The following PDE9A variants were observed in gnomAD, a reference collection of about 807,000 sequenced individuals.
PDE9A encodes the protein phosphodiesterase 9A.
A neutral mutation model predicts 87.4 loss-of-function variants in PDE9A; 60 were observed. The ratio of observed to expected loss-of-function variants is 0.69; its 90% CI spans 0.56 to 0.85. The LOEUF (loss-of-function observed/expected upper bound fraction) is 0.85, where lower values mean the gene tolerates loss of function less well. Among genes scored for constraint, PDE9A ranks in the 40% least tolerant of loss-of-function variants. The pLI is 0.00. For missense variants in PDE9A, 665 were observed against 779.0 expected (o/e 0.85, Z 1.74); for synonymous variants, 272 against 279.4 (o/e 0.97, Z 0.27).
At chr21:42,706,325 TATAAC>T (rs1163291312) in intron 4 of PDE9A, among the ~76,000 whole-genome samples, 1 of 152,216 alleles carries the variant, frequency 6.6e-6, no homozygotes, top group Non-Finnish European at 1.5e-5. Context: ...ATGTCATTGA[TATAAC>T]ATAAAGCCCA....
intron 4 of PDE9A, among the ~76,000 whole-genome samples, chr21:42,703,127 G>T (rs2146362616): frequency 6.6e-6 from 1 of 152,372 alleles, no homozygotes; most frequent in East Asian, 1.9e-4. Context: ...GTGGAAGCGG[G>T]ATATAGAGAC....
At chr21:42,688,354 C>T (rs1230436799) in intron 3 of PDE9A, among the ~76,000 whole-genome samples, 2 of 152,148 alleles carry the variant, frequency 1.3e-5, no homozygotes, top group Non-Finnish European at 2.9e-5. Context: ...CCTACAGAGC[C>T]CCTGGGGACA....
At chr21:42,741,740 T>A (rs1466260088) in intron 7 of PDE9A, 2 of 152,182 alleles carry the variant, frequency 1.3e-5, no homozygotes, top group Non-Finnish European at 2.9e-5. Context: ...CCAGCTAGTC[T>A]GCCCTGGGCC....
In PDE9A at chr21:42,688,013, G is replaced by A. The variant is rs765806342; in HGVS notation, c.218+19G>A. 30 of 1,601,798 alleles carry A rather than the reference G, an allele frequency of 1.9e-5. No individual in the cohort carries two copies. The highest frequency in any genetic ancestry group is 2.5e-5 in the Non-Finnish European group (29 of 1,172,182). On this transcript the variant is annotated intron_variant, in intron 3 of 19. Coordinates refer to ENST00000291539, the MANE Select transcript of PDE9A (RefSeq NM_002606.3). The stretch of plus-strand genomic sequence containing the variant: ...CAGAACGGTAAGAGGCTCCGGCCGC[G>A]CTCCTCGGGGTGTGCCTGGCACTTC...
intron 1 of PDE9A, among the ~76,000 whole-genome samples, chr21:42,657,070 C>T (rs1242084006): frequency 1.3e-5 from 2 of 152,230 alleles, no homozygotes; most frequent in Non-Finnish European, 2.9e-5. Context: ...GGGCCAGCCC[C>T]GTGTGGGGCC....
intron 1 of PDE9A, among the ~76,000 whole-genome samples, chr21:42,685,777 T>G (rs2059428538): frequency 6.6e-6 from 1 of 152,026 alleles, no homozygotes; most frequent in African/African-American, 2.4e-5. Flanking sequence ...CTTTTTTTCT[T>G]TTTTCTTTTG....
intron 8 of PDE9A, among the ~76,000 whole-genome samples, chr21:42,745,055 C>T (rs2053696312): frequency 6.6e-6 from 1 of 152,222 alleles, no homozygotes; most frequent in Non-Finnish European, 1.5e-5. Flanking sequence ...TGTGCAATTG[C>T]ACTGAGTTGT....
chr21:42,717,293 CCTT>C, intron 4 of PDE9A, among the ~76,000 whole-genome samples: 1 of 119,472 alleles, frequency 8.4e-6, no homozygotes, highest in Non-Finnish European at 1.7e-5. Context: ...TTGGAACATG[CCTT>C]TTTTTTTTTT....
At chr21:42,682,263 A>C (rs182619720) in intron 1 of PDE9A, among the ~76,000 whole-genome samples, 1 of 152,276 alleles carries the variant, frequency 6.6e-6, no homozygotes, top group Non-Finnish European at 1.5e-5. Context: ...GAGTGAAGCA[A>C]TGTTGAAATG....
At chr21:42,686,150 C>A in intron 1 of PDE9A, 42 bp from the exon 2 acceptor site, 1 of 1,530,156 alleles carries the variant, frequency 6.5e-7, no homozygotes, top group East Asian at 2.3e-5. Context: ...CCAGGGAGAC[C>A]CGCCGCCCTC....
chr21:42,689,279 G>T (rs1197415593), intron 3 of PDE9A, among the ~76,000 whole-genome samples: 1 of 152,230 alleles, frequency 6.6e-6, no homozygotes, highest in Admixed American at 6.5e-5. Context: ...CTCTCATCTG[G>T]CTGTGCCCGT....
intron 1 of PDE9A, among the ~76,000 whole-genome samples, chr21:42,654,965 G>A (rs1196468149): frequency 6.6e-6 from 1 of 151,386 alleles, no homozygotes; most frequent in African/African-American, 2.5e-5. Context: ...CAGCTGGGCA[G>A]CGGCAGACGC....
chr21:42,689,449 G>T lies in PDE9A; in HGVS notation c.218+1455G>T, dbSNP rs572789850. On this transcript the variant is annotated intron_variant, in intron 3 of 19. Transcript: ENST00000291539. ...GCCTCAGCACCAGCTCCAGCCTGGG[G>T]GGTCTCGCTCAGAAGCAAAGTCACT... 5.4e-6 allele frequency: 4 copies of T among 738,460 alleles called. No homozygotes were observed. The East Asian group carries it at 5.3e-4, about 97-fold the overall frequency. The allele number at this position is 738,460 out of a possible 1,614,324, so 45.7% of individuals were successfully genotyped here.
At chr21:42,771,617 C>T (rs1162187023) in intron 18 of PDE9A, among the ~76,000 whole-genome samples, 1 of 152,242 alleles carries the variant, frequency 6.6e-6, no homozygotes, top group Non-Finnish European at 1.5e-5. Flanking sequence ...ACTGTGCCCA[C>T]CACCCCGTCT....
At chr21:42,689,767 G>T in intron 3 of PDE9A, 1 of 985,440 alleles carries the variant, frequency 1.0e-6, no homozygotes, top group South Asian at 4.7e-5. Flanking sequence ...GAAGCTCTCT[G>T]CTGAGATGCC....
intron 1 of PDE9A, among the ~76,000 whole-genome samples, chr21:42,654,216 C>T (rs1455473747): frequency 2.0e-5 from 3 of 152,168 alleles, no homozygotes; most frequent in African/African-American, 4.8e-5. Flanking sequence ...GCCGGGCAGC[C>T]CCGGGGTCGT....
chr21:42,755,194 C>T (rs2054902490), intron 10 of PDE9A, among the ~76,000 whole-genome samples: 1 of 152,236 alleles, frequency 6.6e-6, no homozygotes, highest in Admixed American at 6.5e-5. Flanking sequence ...AGCAAGCTCA[C>T]CTGTGCTCTT....
At chr21:42,728,415 A>G (rs1459219616) in intron 4 of PDE9A, among the ~76,000 whole-genome samples, 1 of 152,118 alleles carries the variant, frequency 6.6e-6, no homozygotes, top group African/African-American at 2.4e-5. Context: ...ACATGTGTTG[A>G]ATTTTGTCAG....
chr21:42,684,377 G>A (rs1416889728), intron 1 of PDE9A, among the ~76,000 whole-genome samples: 5 of 152,210 alleles, frequency 3.3e-5, no homozygotes, highest in East Asian at 1.9e-4. Context: ...TCCTGTCTTG[G>A]TGGGAAAATG....
Sources: allele counts gnomAD v4.1 joint callset (sites outside exome capture counted in the v4.1 genomes callset), GRCh38; gene constraint gnomAD v4.1.1; transcripts MANE v1.5; gene names NCBI Gene and HGNC (gene_info 2026-07-23, HGNC 2026-07-21).